The following AK8 variants were observed in gnomAD, a reference collection of about 807,000 sequenced individuals.
The protein encoded by AK8 is ATP-AMP transphosphorylase 8.
Under a neutral mutation model 54.6 loss-of-function variants are expected in AK8, and 44 were observed. The ratio of observed to expected loss-of-function variants is 0.81; its 90% CI spans 0.63 to 1.04. The LOEUF is 1.04. AK8 is among the 50% of genes least tolerant of loss of function. The pLI, the probability that AK8 is intolerant of heterozygous loss-of-function variation, is 0.00. For synonymous variants in AK8, 239 were observed against 245.6 expected (o/e 0.97, Z 0.25); for missense variants, 555 against 613.6 (o/e 0.90, Z 1.01).
At chr9:132,740,636 G>A (rs960822585) in intron 11 of AK8, among the ~76,000 whole-genome samples, 13 of 152,158 alleles carry the variant, frequency 8.5e-5, no homozygotes, top group African/African-American at 2.9e-4. Context: ...GGCTCTGGTC[G>A]GCTCCCCGTT....
chr9:132,857,499 C>G (rs532241216), intron 4 of AK8, among the ~76,000 whole-genome samples: 8 of 152,212 alleles, frequency 5.3e-5, no homozygotes, highest in Admixed American at 4.6e-4. Context: ...CAGCCCTGTC[C>G]CTTCCCTCTG....
intron 10 of AK8, among the ~76,000 whole-genome samples, chr9:132,801,159 T>C (rs1840437267): frequency 3.9e-5 from 6 of 152,114 alleles, no homozygotes. Context: ...AGTTCCTGAC[T>C]TCAGGTGATC....
chr9:132,823,160 G>C (rs778577642), intron 9 of AK8, 45 bp downstream of exon 9: 1 of 1,506,236 alleles, frequency 6.6e-7, no homozygotes, highest in Non-Finnish European at 8.8e-7. Context: ...CAGGAGGCAG[G>C]GAAAGGCTCT....
chr9:132,812,371 C>T (rs1841057993), intron 10 of AK8, among the ~76,000 whole-genome samples: 2 of 151,340 alleles, frequency 1.3e-5, no homozygotes, highest in Non-Finnish European at 2.9e-5. Flanking sequence ...GCTGGGACTA[C>T]AGGCGCCCAC....
At chr9:132,854,315 C>T (rs533619749) in intron 5 of AK8, among the ~76,000 whole-genome samples, 2 of 152,368 alleles carry the variant, frequency 1.3e-5, no homozygotes, top group East Asian at 3.9e-4. Context: ...GCAAAGCCCT[C>T]CTGTGGCACC....
intron 11 of AK8, among the ~76,000 whole-genome samples, chr9:132,729,249 CA>C (rs1368393202): frequency 6.6e-6 from 1 of 152,196 alleles, no homozygotes; most frequent in Non-Finnish European, 1.5e-5. Context: ...AACCATCTGG[CA>C]AAATGTCTGG....
intron 5 of AK8, among the ~76,000 whole-genome samples, chr9:132,853,943 A>G (rs1037790039): frequency 1.3e-5 from 2 of 152,084 alleles, no homozygotes; most frequent in East Asian, 1.9e-4. Context: ...TGAAAGAAAA[A>G]AACTGTTAAC....
At chr9:132,766,994 A>C (rs1838751819) in intron 11 of AK8, among the ~76,000 whole-genome samples, 1 of 152,242 alleles carries the variant, frequency 6.6e-6, no homozygotes, top group African/African-American at 2.4e-5. Flanking sequence ...AATAGATTGA[A>C]GACTTAAACA....
chr9:132,768,104 A>G (rs2131077388), intron 11 of AK8, among the ~76,000 whole-genome samples: 1 of 152,330 alleles, frequency 6.6e-6, no homozygotes, highest in Middle Eastern at 3.4e-3. Context: ...GAGATTTGAA[A>G]TGTTCCCAAA....
At chr9:132,870,644 C>T (rs974676412) in intron 2 of AK8, among the ~76,000 whole-genome samples, 12 of 152,372 alleles carry the variant, frequency 7.9e-5, no homozygotes, top group African/African-American at 2.6e-4. Context: ...TGCCGGGGCT[C>T]CCTCTGCTCC....
chr9:132,802,932 G>T (rs1015051585), intron 10 of AK8, among the ~76,000 whole-genome samples: 3 of 152,166 alleles, frequency 2.0e-5, no homozygotes, highest in African/African-American at 4.8e-5. Context: ...ATACTTGGGG[G>T]ACATACCCAA....
intron 11 of AK8, among the ~76,000 whole-genome samples, chr9:132,772,808 A>T (rs1490579099): frequency 6.6e-6 from 1 of 152,148 alleles, no homozygotes; most frequent in Non-Finnish European, 1.5e-5. Context: ...CATGTCCTAC[A>T]TCCAGTGTGA....
rs1026173352 is a variant in AK8, at chr9:132,826,221, TAGG to T, written c.757+630_757+632del. ...TGCCAAAACTAGGGCTCCGAGGAGTTAGGAGAAGTGCCAGAGGCTGCACAGCTG... is the reference window on the plus strand; with the variant it reads ...TGCCAAAACTAGGGCTCCGAGGAGTTAGAAGTGCCAGAGGCTGCACAGCTG... On this transcript the variant is annotated intron_variant, in intron 8 of 12. Coordinates refer to ENST00000298545, the MANE Select transcript of AK8 (RefSeq NM_152572.3). This position sits in a 1 kb window ranked among gnomAD's most constrained non-coding sequence, Gnocchi z 4.5. 6.6e-5 allele frequency among the ~76,000 whole-genome samples: 10 copies of T among 152,244 alleles called. No homozygotes were observed. Among genetic ancestry groups the T allele is most frequent in the African/African-American group, 1.9e-4 (8 of 41,546 alleles).
chr9:132,783,589 A>G (rs970767834), intron 11 of AK8, among the ~76,000 whole-genome samples: 10 of 152,016 alleles, frequency 6.6e-5, no homozygotes, highest in South Asian at 2.1e-4. Context: ...AAAAAAAAAA[A>G]AGAGAGAGAG....
At chr9:132,759,433 T>A (rs1448638904) in intron 11 of AK8, among the ~76,000 whole-genome samples, 2 of 152,206 alleles carry the variant, frequency 1.3e-5, no homozygotes. Flanking sequence ...GAATAAAAGT[T>A]CTCAATTTTA....
chr9:132,840,406 T>A (rs1388049264), intron 5 of AK8, among the ~76,000 whole-genome samples: 15 of 143,134 alleles, frequency 1.0e-4, no homozygotes, highest in South Asian at 2.4e-4. Context: ...AAGTGGACAC[T>A]CACACACACA....
intron 11 of AK8, among the ~76,000 whole-genome samples, chr9:132,764,341 AAAC>A (rs1455795849): frequency 6.6e-6 from 1 of 152,156 alleles, no homozygotes; most frequent in Non-Finnish European, 1.5e-5. Context: ...AAAAACAAAA[AAAC>A]AAGATCAGGG....
intron 10 of AK8, among the ~76,000 whole-genome samples, chr9:132,796,665 T>C (rs1421700734): frequency 6.6e-6 from 1 of 152,072 alleles, no homozygotes; most frequent in Admixed American, 6.5e-5. Flanking sequence ...CAGAAGTCTA[T>C]GACAGAATGA....
intron 2 of AK8, among the ~76,000 whole-genome samples, chr9:132,871,494 G>A (rs1030948875): frequency 6.6e-6 from 1 of 152,224 alleles, no homozygotes; most frequent in African/African-American, 2.4e-5. Context: ...GTGCAGGGCT[G>A]TGGGAAACAA....
Sources: gnomAD v4.1 joint callset for allele counts (sites outside exome capture counted in the v4.1 genomes callset) on GRCh38, gnomAD v4.1.1 for gene constraint, Gnocchi (gnomAD v3.1) non-coding constraint, MANE v1.5 for transcripts, NCBI Gene and HGNC (gene_info 2026-07-23, HGNC 2026-07-21) for gene names.